DDHD2: variants seen among roughly 807,000 people sequenced by gnomAD.
DDHD2 encodes triacylglycerol hydrolase DDHD2.
In DDHD2, 62 loss-of-function variants were observed where a neutral mutation model predicts 91.2. That is an observed-to-expected ratio of 0.68 (90% CI 0.55 to 0.84). The LOEUF (loss-of-function observed/expected upper bound fraction) is 0.84. DDHD2 is among the 40% of genes least tolerant of loss of function. DDHD2 has a pLI of 0.00. For synonymous variants in DDHD2, 271 were observed against 293.9 expected, an observed-to-expected ratio of 0.92 and a Z score of 0.80; for missense variants, 740 against 846.9, an observed-to-expected ratio of 0.87 and a Z score of 1.57.
chr8:38,245,080 T>A (rs944714749), intron 7 of DDHD2, among the ~76,000 whole-genome samples: 8 of 151,694 alleles, frequency 5.3e-5, no homozygotes, highest in Non-Finnish European at 1.0e-4. Flanking sequence ...AAACATGTTT[T>A]AAACTGGGAT....
chr8:38,254,300 G>A (rs1806344103), intron 16 of DDHD2, among the ~76,000 whole-genome samples: 2 of 152,114 alleles, frequency 1.3e-5, no homozygotes, highest in Admixed American at 6.5e-5. Flanking sequence ...GAATGAACTG[G>A]AACAAATATT....
At chr8:38,268,565 T>G in intron 1 of DDHD2, 2 of 1,499,312 alleles carry the variant, frequency 1.3e-6, no homozygotes, top group South Asian at 1.3e-5. Context: ...GGAGCTAACA[T>G]AAGGTCTCTG....
intron 4 of DDHD2, among the ~76,000 whole-genome samples, chr8:38,237,867 A>G (rs930603963): frequency 1.3e-5 from 2 of 152,210 alleles, no homozygotes; most frequent in East Asian, 1.9e-4. Flanking sequence ...TCACTGACAT[A>G]TTATGTGAGC....
chr8:38,254,042 C>T (rs1806323915), intron 16 of DDHD2, among the ~76,000 whole-genome samples: 1 of 150,576 alleles, frequency 6.6e-6, no homozygotes, highest in South Asian at 2.1e-4. Context: ...CACCACTGCA[C>T]TCTAGCCTGG....
chr8:38,236,774 C>A (rs1483738470), intron 3 of DDHD2, among the ~76,000 whole-genome samples: 6 of 152,062 alleles, frequency 3.9e-5, no homozygotes, highest in Non-Finnish European at 8.8e-5. Flanking sequence ...CCCGCCTTGG[C>A]CTTCCAAAGT....
chr8:38,264,424 C>T (rs764734698), downstream of DDHD2: 254 of 1,530,032 alleles, frequency 1.7e-4, no homozygotes, highest in Non-Finnish European at 2.2e-4. Flanking sequence ...TGAGCCACCA[C>T]GCCCGGCCAG....
downstream of DDHD2, chr8:38,267,264 T>C: frequency 1.2e-6 from 2 of 1,614,030 alleles, no homozygotes; most frequent in Non-Finnish European, 1.7e-6. Flanking sequence ...ATGATATTCA[T>C]ACAGGAAGAA....
chr8:38,244,854 G>A (rs865822080), intron 7 of DDHD2, among the ~76,000 whole-genome samples: 10 of 152,044 alleles, frequency 6.6e-5, no homozygotes, highest in African/African-American at 2.2e-4. Context: ...GTGAGCCACC[G>A]CTCCTGGCCC....
intron 16 of DDHD2, among the ~76,000 whole-genome samples, chr8:38,256,605 G>A (rs1025409788): frequency 1.3e-5 from 2 of 152,170 alleles, no homozygotes; most frequent in African/African-American, 2.4e-5. Context: ...TTATAGACAT[G>A]ATCAATGTTG....
At chr8:38,271,241 C>T (rs548333112) in exon 2 of DDHD2, 1 of 152,082 alleles carries the variant, frequency 6.6e-6, no homozygotes, top group African/African-American at 2.4e-5. Flanking sequence ...TATTTATTTT[C>T]AAAACAGTTT....
At chr8:38,269,200 C>A in intron 1 of DDHD2, 1 of 1,499,544 alleles carries the variant, frequency 6.7e-7, no homozygotes, top group Non-Finnish European at 8.8e-7. Context: ...CCTTCCCCAT[C>A]CGGCCGCGAG....
chr8:38,236,161 C>T (rs898721607), intron 3 of DDHD2, among the ~76,000 whole-genome samples: 13 of 150,560 alleles, frequency 8.6e-5, no homozygotes, highest in East Asian at 4.0e-4. Flanking sequence ...TACAGGCGCC[C>T]GCCACCACGC....
chr8:38,266,913 T>C (rs188339933), downstream of DDHD2: 301 of 496,510 alleles, frequency 6.1e-4, 5 homozygotes, highest in Admixed American at 0.011. Flanking sequence ...CCCCACCTCA[T>C]TGGATTATTG....
chr8:38,248,829 C>T (rs1805864808), intron 10 of DDHD2, among the ~76,000 whole-genome samples: 1 of 151,240 alleles, frequency 6.6e-6, no homozygotes, highest in South Asian at 2.1e-4. Flanking sequence ...CATGTAGTCC[C>T]AGCTACTTGG....
chr8:38,252,175 T>C lies in DDHD2; in HGVS notation c.1505T>C (p.Phe502Ser), dbSNP rs2130848762. The stretch of plus-strand genomic sequence containing the variant: ...CGGCTCATCTATAAACCAGAGATAT[T>C]CTTTGCCTTTGGATCTCCCATTGGA... ...YPRLIYKPEI[F>S]FAFGSPIGMF... The change falls in exon 13 of 18, where the codon TTC becomes TCC. Residue 502 changes from phenylalanine (F) to serine (S), a missense_variant. Physicochemically the swap from Phe to Ser is radical, Grantham distance 155 (BLOSUM62 -2). Around this residue, in one of 2 missense-constraint regions of DDHD2, gnomAD observed 693 missense variants for 764.2 expected, o/e 0.91. Coordinates refer to ENST00000397166, the MANE Select transcript of DDHD2 (RefSeq NM_015214.3). The C allele has an allele frequency of 6.2e-7, 1 of 1,614,200 alleles. No homozygotes were observed. Among genetic ancestry groups the C allele is most frequent in the East Asian group, 2.2e-5 (1 of 44,882 alleles).
downstream of DDHD2, chr8:38,267,527 A>G: frequency 1.0e-6 from 1 of 1,000,786 alleles, no homozygotes; most frequent in Non-Finnish European, 1.4e-6. Context: ...GGCTTAGTAT[A>G]GTCACCACAC....
At position 38,242,355 on chromosome 8, in the gene DDHD2, A is replaced by G. The variant is rs1805323163; in HGVS notation, c.818A>G (p.His273Arg). 3 of 1,611,354 alleles carry G rather than the reference A, an allele frequency of 1.9e-6. No homozygotes were observed. Among genetic ancestry groups the G allele is most frequent in the Admixed American group, 1.7e-5 (1 of 59,180 alleles). ...GRVEFLPVNW[H>R]SPLHSTGVDV... ...GTAGAATTTCTTCCAGTCAACTGGC[A>G]CAGTCCTTTGCATTCTACTGGTGTG... is the stretch of plus-strand genomic sequence containing the variant. Residue 273 changes from histidine to arginine, a missense_variant, in exon 7 of 18, where the codon CAC becomes CGC. Physicochemically the swap from His to Arg is conservative, Grantham distance 29. This residue lies in a region of DDHD2 where 693 missense variants were observed against 764.2 expected (regional missense o/e 0.91). Transcript: ENST00000397166.
intron 9 of DDHD2, chr8:38,247,175 C>G (rs1447124223): frequency 6.7e-6 from 1 of 150,078 alleles, no homozygotes; most frequent in African/African-American, 2.5e-5. Flanking sequence ...CTCTGTCACC[C>G]AGGCTGGAAT....
rs1402823456 is a variant in DDHD2, at chr8:38,252,730, T to C, written c.1626T>C (p.Pro542=). 6 of 1,613,114 alleles carry C rather than the reference T, an allele frequency of 3.7e-6. No individual in the cohort carries two copies. The highest frequency in any genetic ancestry group is 5.1e-6 in the Non-Finnish European group (6 of 1,179,154). The part of the protein sequence containing the change: ...GFFNIYHPFD[P]VAYRIEPMVV... ...TTGTTTTTCCTATGTAGTTTGATCC[T>C]GTGGCCTATAGGATTGAACCAATGG... Residue 542 remains proline, a synonymous_variant, in exon 14 of 18, where the codon CCT becomes CCC. Transcript: ENST00000397166.
Sources: allele counts gnomAD v4.1 joint callset (sites outside exome capture counted in the v4.1 genomes callset), GRCh38; gene constraint gnomAD v4.1.1; regional missense constraint gnomAD v4.1.1; transcripts MANE v1.5; gene names NCBI Gene and HGNC (gene_info 2026-07-23, HGNC 2026-07-21).